The following CCR5AS variants were observed in gnomAD, a reference collection of about 807,000 sequenced individuals.
CCR5AS encodes CCR5 antisense RNA.
At chr3:46,384,337 G>A (rs1433346195) in intron 2 of CCR5AS, among the ~76,000 whole-genome samples, 7 of 152,174 alleles carry the variant, frequency 4.6e-5, no homozygotes, top group African/African-American at 9.7e-5. Flanking sequence ...TACTGTACAC[G>A]TGGTTGACAA....
chr3:46,391,630 G>A (rs538861938), intron 2 of CCR5AS, among the ~76,000 whole-genome samples: 2 of 152,156 alleles, frequency 1.3e-5, no homozygotes, highest in South Asian at 2.1e-4. Context: ...AGAAAAAGGA[G>A]CATTAACCTT....
chr3:46,387,721 G>A (rs1404599008), intron 2 of CCR5AS, among the ~76,000 whole-genome samples: 1 of 152,208 alleles, frequency 6.6e-6, no homozygotes, highest in Non-Finnish European at 1.5e-5. Context: ...CACCAAACAG[G>A]CTTTGTGTGA....
intron 1 of CCR5AS, among the ~76,000 whole-genome samples, chr3:46,397,789 G>T (rs552754282): frequency 1.3e-5 from 2 of 152,350 alleles, no homozygotes; most frequent in East Asian, 3.9e-4. Flanking sequence ...AGGGCAAAAG[G>T]AAGATTTATA....
rs1266941340 is a variant in CCR5AS at position 46,372,837 on chromosome 3, G to A, written n.392-1420C>T. Reference sequence around the variant, plus strand: ...TATAAAACAGTTTGCATTCATGGAGGGCAACTAAATACATTCTAGGACTTT... The same window carrying A: ...TATAAAACAGTTTGCATTCATGGAGAGCAACTAAATACATTCTAGGACTTT... On this transcript the variant is annotated intron_variant and non_coding_transcript_variant, in intron 2 of 3. Coordinates refer to ENST00000451485, the Ensembl canonical transcript of CCR5AS. 9.5e-6 allele frequency: 12 copies of A among 1,263,248 alleles called. No individual in the cohort carries two copies. The East Asian group carries it at 2.1e-4, about 22-fold the overall frequency. 78.3% of individuals were successfully genotyped at this position (1,263,248 alleles called of 1,614,324 possible). A position where few individuals can be genotyped will look rare whatever the true frequency, so the allele number is the denominator to read the frequency against.
At chr3:46,370,464 C>A (rs1196050437) in intron 3 of CCR5AS, among the ~76,000 whole-genome samples, 2 of 152,102 alleles carry the variant, frequency 1.3e-5, no homozygotes, top group Non-Finnish European at 2.9e-5. Flanking sequence ...AATGTGAAGT[C>A]CAGGATCCCC....
chr3:46,397,509 C>T (rs1370712712), intron 1 of CCR5AS, among the ~76,000 whole-genome samples: 4 of 152,220 alleles, frequency 2.6e-5, no homozygotes, highest in Non-Finnish European at 5.9e-5. Context: ...CCAGTGAGAG[C>T]AGGGCACTAT....
chr3:46,393,933 C>T (rs1015294426), intron 1 of CCR5AS, among the ~76,000 whole-genome samples: 1 of 152,206 alleles, frequency 6.6e-6, no homozygotes, highest in African/African-American at 2.4e-5. Flanking sequence ...TTTTCTAGAA[C>T]CCATTTAATC....
intron 1 of CCR5AS, among the ~76,000 whole-genome samples, chr3:46,394,862 T>A (rs889839202): frequency 6.6e-6 from 1 of 151,898 alleles, no homozygotes; most frequent in African/African-American, 2.4e-5. Context: ...AGAGGACAGG[T>A]GGGGATGGCC....
At chr3:46,392,955 G>C (rs1428266908) in exon 2 of CCR5AS, 1 of 159,266 alleles carries the variant, frequency 6.3e-6, no homozygotes, top group African/African-American at 2.4e-5. Context: ...CGGGGTCTTC[G>C]GCACCAAATG....
chr3:46,386,475 C>T (rs1701863694), intron 2 of CCR5AS, among the ~76,000 whole-genome samples: 1 of 152,202 alleles, frequency 6.6e-6, no homozygotes, highest in Admixed American at 6.5e-5. Flanking sequence ...GAATCACAAG[C>T]TCCCTGCCTG....
intron 1 of CCR5AS, among the ~76,000 whole-genome samples, chr3:46,405,457 T>C (rs1702036048): frequency 1.3e-5 from 2 of 152,182 alleles, no homozygotes; most frequent in Non-Finnish European, 2.9e-5. Flanking sequence ...TGACTTGACT[T>C]TCCTTCCTTT....
At chr3:46,373,039 T>G in intron 2 of CCR5AS, 1 of 1,614,180 alleles carries the variant, frequency 6.2e-7, no homozygotes, top group Non-Finnish European at 8.5e-7. Context: ...TTTGGTTTTG[T>G]GGGCAACATG....
intron 2 of CCR5AS, among the ~76,000 whole-genome samples, chr3:46,388,437 A>C (rs558390826): frequency 9.2e-5 from 14 of 152,352 alleles, no homozygotes; most frequent in African/African-American, 3.4e-4. Flanking sequence ...GAATAAGAGA[A>C]GGAGAAAAAC....
intron 2 of CCR5AS, among the ~76,000 whole-genome samples, chr3:46,377,713 T>C (rs1247800034): frequency 1.4e-5 from 2 of 145,754 alleles, no homozygotes; most frequent in Admixed American, 1.4e-4. Flanking sequence ...TGAACTTTCC[T>C]TTTTTTTTTT....
chr3:46,398,890 G>A (rs1236523500), intron 1 of CCR5AS, among the ~76,000 whole-genome samples: 1 of 152,124 alleles, frequency 6.6e-6, no homozygotes, highest in East Asian at 1.9e-4. Flanking sequence ...AACCCAGTAG[G>A]ATTGGGTTTA....
chr3:46,370,654 T>C (rs1405729583), intron 3 of CCR5AS, among the ~76,000 whole-genome samples: 2 of 152,242 alleles, frequency 1.3e-5, no homozygotes, highest in African/African-American at 2.4e-5. Flanking sequence ...TGAATGTAAA[T>C]GTTCTTCTAG....
intron 2 of CCR5AS, among the ~76,000 whole-genome samples, chr3:46,383,479 T>C (rs888045990): frequency 5.3e-5 from 8 of 152,122 alleles, no homozygotes; most frequent in Non-Finnish European, 1.0e-4. Context: ...CAAAGCCCCA[T>C]GGGCAGGGGT....
At chr3:46,396,693 C>T (rs2106776280) in intron 1 of CCR5AS, among the ~76,000 whole-genome samples, 1 of 152,248 alleles carries the variant, frequency 6.6e-6, no homozygotes, top group East Asian at 1.9e-4. Flanking sequence ...AGGCCTAGCG[C>T]CCTCCCCTCA....
chr3:46,381,965 G>A (rs1701821253), intron 2 of CCR5AS, among the ~76,000 whole-genome samples: 1 of 152,160 alleles, frequency 6.6e-6, no homozygotes. Context: ...TAGGTGGTTA[G>A]TGAGGGTCAG....
Sources: allele counts gnomAD v4.1 joint callset (sites outside exome capture counted in the v4.1 genomes callset), GRCh38; gene constraint gnomAD v4.1.1; transcripts MANE v1.5; gene names NCBI Gene and HGNC (gene_info 2026-07-23, HGNC 2026-07-21).